Variants in PCDH15 observed in about 807,000 individuals in gnomAD.
The protein encoded by PCDH15 is protocadherin related 15.
Under a neutral mutation model 178.5 loss-of-function variants are expected in PCDH15, and 129 were observed. The ratio of observed to expected loss-of-function variants is 0.72; its 90% CI spans 0.63 to 0.84. The LOEUF is 0.84. Ranked by LOEUF, PCDH15 falls within the 40% of genes least tolerant of loss-of-function variation. PCDH15 has a pLI of 0.00. For synonymous variants in PCDH15, 800 were observed against 732.0 expected, an observed-to-expected ratio of 1.09 and a Z score of -1.50; for missense variants, 2,230 against 2,099.9, an observed-to-expected ratio of 1.06 and a Z score of -1.21.
intron 1 of PCDH15, among the ~76,000 whole-genome samples, chr10:55,283,297 T>C (rs913618666): frequency 2.0e-5 from 3 of 152,100 alleles, no homozygotes; most frequent in Non-Finnish European, 4.4e-5. Flanking sequence ...CAACTCCCTA[T>C]GATTTCATCT....
chr10:55,134,975 A>C (rs1455575427), intron 2 of PCDH15, among the ~76,000 whole-genome samples: 1 of 152,180 alleles, frequency 6.6e-6, no homozygotes, highest in Non-Finnish European at 1.5e-5. Flanking sequence ...CTTCAACATA[A>C]CATTACTTAA....
intron 2 of PCDH15, among the ~76,000 whole-genome samples, chr10:55,564,929 A>T (rs1258916246): frequency 6.6e-6 from 1 of 151,738 alleles, no homozygotes; most frequent in African/African-American, 2.4e-5. Context: ...ACCCTTAGTA[A>T]TGGATAAACC....
intron 2 of PCDH15, among the ~76,000 whole-genome samples, chr10:55,054,772 T>C (rs1841255472): frequency 6.6e-6 from 1 of 152,216 alleles, no homozygotes; most frequent in African/African-American, 2.4e-5. Context: ...TCAGTGATGT[T>C]GAGCTTATTT....
chr10:54,389,462 T>C (rs1950283534), intron 3 of PCDH15, among the ~76,000 whole-genome samples: 1 of 152,232 alleles, frequency 6.6e-6, no homozygotes, highest in Non-Finnish European at 1.5e-5. Flanking sequence ...GTCTAGTTGA[T>C]GCTGCTTGTC....
intron 2 of PCDH15, among the ~76,000 whole-genome samples, chr10:55,139,383 T>C (rs1838287067): frequency 9.4e-6 from 1 of 106,266 alleles, no homozygotes; most frequent in African/African-American, 3.2e-5. Flanking sequence ...CAAAATTTTC[T>C]CTATGTATTT....
intron 2 of PCDH15, among the ~76,000 whole-genome samples, chr10:54,549,001 T>C (rs2086213453): frequency 6.6e-6 from 1 of 151,878 alleles, no homozygotes; most frequent in Non-Finnish European, 1.5e-5. Flanking sequence ...ATATATTTCA[T>C]ATCATCTTTA....
At chr10:53,969,597 G>C (rs1249404776) in intron 21 of PCDH15, among the ~76,000 whole-genome samples, 1 of 152,118 alleles carries the variant, frequency 6.6e-6, no homozygotes, top group Non-Finnish European at 1.5e-5. Flanking sequence ...AATATTAAGG[G>C]CAGCCAGAGA....
intron 2 of PCDH15, among the ~76,000 whole-genome samples, chr10:55,423,856 T>C (rs1331251887): frequency 6.6e-6 from 1 of 152,156 alleles, no homozygotes; most frequent in Non-Finnish European, 1.5e-5. Flanking sequence ...CAAAATTATC[T>C]TCATTTTTAA....
intron 2 of PCDH15, among the ~76,000 whole-genome samples, chr10:55,328,796 G>A (rs1055748262): frequency 2.0e-5 from 3 of 150,440 alleles, no homozygotes; most frequent in Admixed American, 1.3e-4. Flanking sequence ...AGCATATAGG[G>A]GGATGTGCAT....
Position 54,853,326 on chromosome 10 carries a change from C to CATATACATACATACAT in PCDH15, c.-29+44123_-29+44124insATGTATGTATGTATAT, listed in dbSNP as rs1167637053. Among the ~76,000 whole-genome samples, 589 of 121,410 alleles carry CATATACATACATACAT rather than the reference C, an allele frequency of 4.9e-3. 11 individuals are homozygous for CATATACATACATACAT. The highest frequency in any genetic ancestry group is 0.037 in the East Asian group (163 of 4,356). The allele number at this position is 121,410 out of a possible 152,430, so 79.6% of individuals were successfully genotyped here. On this transcript the variant is annotated intron_variant, in intron 3 of 5. Coordinates refer to the PCDH15 transcript ENST00000458638. ...ATATATATATATATATATACATACA[C>CATATACATACATACAT]ACACATATACATATATATACATATA...
chr10:54,294,569 A>G (rs2133097998), intron 8 of PCDH15, among the ~76,000 whole-genome samples: 1 of 152,356 alleles, frequency 6.6e-6, no homozygotes, highest in African/African-American at 2.4e-5. Flanking sequence ...TACTAAATCA[A>G]TGATATAGTT....
intron 2 of PCDH15, among the ~76,000 whole-genome samples, chr10:55,460,412 C>A (rs1337267411): frequency 2.6e-5 from 4 of 151,908 alleles, no homozygotes; most frequent in Non-Finnish European, 5.9e-5. Flanking sequence ...TAGGAACCTC[C>A]TTCGAGAATT....
intron 1 of PCDH15, among the ~76,000 whole-genome samples, chr10:54,710,925 G>A (rs918498954): frequency 2.0e-5 from 3 of 151,832 alleles, no homozygotes; most frequent in African/African-American, 4.8e-5. Context: ...GGGTGAGAGC[G>A]GTATTGTTAA....
At chr10:54,157,194 G>A (rs2045246000) in intron 13 of PCDH15, among the ~76,000 whole-genome samples, 1 of 152,218 alleles carries the variant, frequency 6.6e-6, no homozygotes, top group African/African-American at 2.4e-5. Flanking sequence ...TCTGTGTGAG[G>A]GCTCTGACTC....
chr10:55,075,291 A>G (rs1486260768), intron 2 of PCDH15, among the ~76,000 whole-genome samples: 1 of 151,420 alleles, frequency 6.6e-6, no homozygotes, highest in South Asian at 2.1e-4. Flanking sequence ...GTGAGGCTCA[A>G]TTTTGTTTCT....
chr10:54,388,563 T>G (rs1205027007), intron 3 of PCDH15, among the ~76,000 whole-genome samples: 8 of 152,194 alleles, frequency 5.3e-5, no homozygotes, highest in African/African-American at 1.9e-4. Flanking sequence ...GTTCATCTTC[T>G]ACTAGCCGTT....
chr10:54,453,292 T>G (rs1485010155), intron 3 of PCDH15, among the ~76,000 whole-genome samples: 1 of 152,120 alleles, frequency 6.6e-6, no homozygotes, highest in Non-Finnish European at 1.5e-5. Context: ...GAAGAAAATG[T>G]GGCACATATA....
intron 2 of PCDH15, among the ~76,000 whole-genome samples, chr10:55,158,910 G>A (rs1490148387): frequency 2.0e-5 from 3 of 150,402 alleles, no homozygotes. Flanking sequence ...AAAAACAAGA[G>A]CTCAAGATAT....
At chr10:54,533,472 CAAAGT>C (rs974435618) in intron 2 of PCDH15, among the ~76,000 whole-genome samples, 50 of 151,978 alleles carry the variant, frequency 3.3e-4, no homozygotes, top group African/African-American at 1.1e-3. Flanking sequence ...CAATAATAGA[CAAAGT>C]AAAGTGATGA....
Sources: allele counts gnomAD v4.1 joint callset (sites outside exome capture counted in the v4.1 genomes callset), GRCh38; gene constraint gnomAD v4.1.1; transcripts MANE v1.5; gene names NCBI Gene and HGNC (gene_info 2026-07-23, HGNC 2026-07-21).